Variants in ERI1 observed in about 807,000 individuals in gnomAD.
ERI1 encodes the protein exoribonuclease 1, also known as 3'-5' exoribonuclease 1.
In ERI1, 39 loss-of-function variants were observed where a neutral mutation model predicts 39.7. The ratio of observed to expected loss-of-function variants is 0.98; its 90% CI spans 0.76 to 1.28. ERI1 has a LOEUF of 1.28. Ranked by LOEUF, ERI1 falls within the 50% of genes most tolerant of loss-of-function variation. The pLI, the probability that ERI1 is intolerant of heterozygous loss-of-function variation, is 0.00. For synonymous variants in ERI1, 204 were observed against 149.6 expected (o/e 1.36, Z -2.65); for missense variants, 581 against 416.9 (o/e 1.39, Z -3.43).
At chr8:9,013,972 C>T (rs190307179) in intron 3 of ERI1, among the ~76,000 whole-genome samples, 21 of 152,258 alleles carry the variant, frequency 1.4e-4, no homozygotes, top group Admixed American at 7.8e-4. Context: ...CTTTGTGTTT[C>T]TGTCTGTGTC....
At chr8:9,023,662 T>G (rs558600575) in intron 6 of ERI1, among the ~76,000 whole-genome samples, 2 of 150,320 alleles carry the variant, frequency 1.3e-5, no homozygotes, top group South Asian at 4.3e-4. Context: ...GAAACTTATG[T>G]TTTCCTTCTT....
chr8:9,028,584 C>G (rs1286688460), intron 6 of ERI1, among the ~76,000 whole-genome samples: 5 of 152,036 alleles, frequency 3.3e-5, no homozygotes, highest in African/African-American at 7.2e-5. Context: ...GAATGTAAAA[C>G]TTAACAAATC....
At chr8:9,068,763 C>T (rs185423522) in intron 3 of ERI1, among the ~76,000 whole-genome samples, 2 of 152,242 alleles carry the variant, frequency 1.3e-5, no homozygotes, top group Admixed American at 1.3e-4. Flanking sequence ...GTGTTGTTCA[C>T]CTGCGTACCT....
At chr8:9,014,452 C>G (rs952500259) in intron 3 of ERI1, among the ~76,000 whole-genome samples, 12 of 152,192 alleles carry the variant, frequency 7.9e-5, no homozygotes, top group African/African-American at 2.9e-4. Flanking sequence ...AAGGGAGTCT[C>G]CTACTTTATC....
chr8:9,025,397 A>G (rs1323106228), intron 6 of ERI1, among the ~76,000 whole-genome samples: 2 of 152,230 alleles, frequency 1.3e-5, no homozygotes, highest in East Asian at 3.9e-4. Context: ...CCAGCTTCTT[A>G]TAGGGACTTG....
rs552714248 is a variant in ERI1 at position 9,084,876 on chromosome 8, C to A, written n.300-31472C>A. ...GAGGTGTACACAAGCACTTCAGTCGCTCAGGAGAAAAATGTTGTGATTTGT... is the reference window on the plus strand; with the variant it reads ...GAGGTGTACACAAGCACTTCAGTCGATCAGGAGAAAAATGTTGTGATTTGT... On this transcript the variant is annotated intron_variant and non_coding_transcript_variant, in intron 3 of 3. Coordinates refer to the ERI1 transcript ENST00000518663. 5.9e-5 allele frequency among the ~76,000 whole-genome samples: 9 copies of A among 152,268 alleles called. No individual in the cohort carries two copies. The South Asian group carries it at 1.9e-3, about 32-fold the overall frequency.
At chr8:9,064,852 T>G (rs1798823614) in intron 3 of ERI1, among the ~76,000 whole-genome samples, 2 of 152,102 alleles carry the variant, frequency 1.3e-5, no homozygotes, top group South Asian at 4.2e-4. Context: ...ACAGGGCTGT[T>G]TATTTCACCT....
chr8:9,091,285 C>T (rs1490095275), intron 3 of ERI1: 1 of 152,210 alleles, frequency 6.6e-6, no homozygotes, highest in Non-Finnish European at 1.5e-5. Flanking sequence ...CTTTGGGAGG[C>T]TGAGGCAGGT....
chr8:9,018,403 A>G lies in ERI1; in HGVS notation c.689A>G (p.Asp230Gly). 1 of 1,489,490 alleles carries G rather than the reference A, an allele frequency of 6.7e-7. No homozygotes were observed. The highest frequency in any genetic ancestry group is 9.3e-7 in the Non-Finnish European group (1 of 1,071,256). 92.3% of individuals were successfully genotyped at this position (1,489,490 alleles called of 1,614,324 possible). A position where few individuals can be genotyped will look rare whatever the true frequency, so the allele number is the denominator to read the frequency against. ...AAGTATAAATACTCACTTTTAACAG[A>G]TGGGTAAGTATTTAGGAAGATTATT... is the stretch of plus-strand genomic sequence containing the variant. ...GTKYKYSLLT[D>G]GSWDMSKFLN... is the part of the protein sequence containing the mutation. Residue 230 changes from aspartate to glycine, a missense_variant, in exon 5 of 7, where the codon GAT (aspartate) becomes GGT (glycine). Coordinates refer to ENST00000250263, the MANE Select transcript of ERI1 (RefSeq NM_153332.4).
intron 6 of ERI1, among the ~76,000 whole-genome samples, chr8:9,026,939 G>A (rs1797208297): frequency 6.6e-6 from 1 of 152,038 alleles, no homozygotes; most frequent in African/African-American, 2.4e-5. Flanking sequence ...GTGCTGTTAT[G>A]AACATGGATG....
chr8:9,021,141 C>G (rs1006904768), intron 6 of ERI1, among the ~76,000 whole-genome samples: 1 of 152,190 alleles, frequency 6.6e-6, no homozygotes, highest in African/African-American at 2.4e-5. Flanking sequence ...ACTCCCGTGA[C>G]TATGGAGAGT....
chr8:9,053,858 A>G (rs868718697), intron 3 of ERI1, among the ~76,000 whole-genome samples: 6 of 152,236 alleles, frequency 3.9e-5, no homozygotes, highest in African/African-American at 1.2e-4. Context: ...CAAGTCCTCT[A>G]TTGCCTCCAG....
chr8:9,068,617 C>A (rs947382147), intron 3 of ERI1, among the ~76,000 whole-genome samples: 2 of 152,090 alleles, frequency 1.3e-5, no homozygotes, highest in Non-Finnish European at 2.9e-5. Flanking sequence ...CCTTTAGGGT[C>A]CTCATATCCA....
chr8:9,030,245 T>C lies in ERI1; in HGVS notation c.*211T>C, dbSNP rs796906568. 6.8e-6 allele frequency: 4 copies of C among 586,946 alleles called. No individual in the cohort carries two copies. In the African/African-American group the frequency reaches 7.4e-5, roughly 11 times the overall value. The allele number at this position is 586,946 out of a possible 1,614,324, so 36.4% of individuals were successfully genotyped here. ...TCACCAGCACTTTTGATATGAACAG[T>C]ATTCGTTACATAGTAACAGTTCCTG... On this transcript the variant is annotated 3_prime_UTR_variant, in exon 7 of 7. Coordinates refer to ENST00000250263, the MANE Select transcript of ERI1 (RefSeq NM_153332.4).
intron 6 of ERI1, 40 bp downstream of exon 6, chr8:9,020,504 A>G (rs769681611): frequency 7.7e-6 from 10 of 1,300,848 alleles, no homozygotes; most frequent in East Asian, 7.4e-5. Context: ...GTTCTTAATG[A>G]TAAATTTGTT....
intron 3 of ERI1, among the ~76,000 whole-genome samples, chr8:9,065,627 G>A (rs1195431973): frequency 6.6e-6 from 1 of 150,768 alleles, no homozygotes; most frequent in Non-Finnish European, 1.5e-5. Flanking sequence ...CCCGGGAGGC[G>A]GAGCTTGCAG....
At chr8:9,005,450 A>G (rs1261443980) in intron 1 of ERI1, among the ~76,000 whole-genome samples, 1 of 152,030 alleles carries the variant, frequency 6.6e-6, no homozygotes, top group Non-Finnish European at 1.5e-5. Context: ...CAATTATAGA[A>G]TACCTGTCTT....
intron 3 of ERI1, among the ~76,000 whole-genome samples, chr8:9,074,087 C>T (rs560256147): frequency 6.6e-6 from 1 of 151,054 alleles, no homozygotes; most frequent in South Asian, 2.1e-4. Context: ...CGCACCCAGC[C>T]ATACTTTTTT....
intron 3 of ERI1, among the ~76,000 whole-genome samples, chr8:9,081,554 T>C (rs75133981): frequency 0.06 from 9,179 of 152,250 alleles, 397 homozygotes; most frequent in Middle Eastern, 0.12. Flanking sequence ...TTCCCTGGGA[T>C]CCCTCTTCCC....
Sources: allele counts gnomAD v4.1 joint callset (sites outside exome capture counted in the v4.1 genomes callset), GRCh38; gene constraint gnomAD v4.1.1; transcripts MANE v1.5; gene names NCBI Gene and HGNC (gene_info 2026-07-23, HGNC 2026-07-21).